The following NEBL variants were observed in gnomAD, a reference collection of about 807,000 sequenced individuals.
NEBL encodes nebulette.
A neutral mutation model predicts 140.2 loss-of-function variants in NEBL; 122 were observed. The observed-to-expected ratio is 0.87, with a 90% confidence interval of 0.75 to 1.01. The LOEUF is 1.01. Among genes scored for constraint, NEBL ranks in the 50% least tolerant of loss-of-function variants. The pLI, the probability that NEBL is intolerant of heterozygous loss-of-function variation, is 0.00. For synonymous variants in NEBL, 436 were observed against 398.9 expected, an observed-to-expected ratio of 1.09 and a Z score of -1.11; for missense variants, 1,365 against 1,231.3, an observed-to-expected ratio of 1.11 and a Z score of -1.62.
At chr10:21,176,997 T>C (rs964719691), upstream of NEBL, among the ~76,000 whole-genome samples, 1 of 152,208 alleles carries the variant, frequency 6.6e-6, no homozygotes, top group Non-Finnish European at 1.5e-5. Flanking sequence ...GGCCAAACAA[T>C]GGCTTTGACT....
intron 3 of NEBL, among the ~76,000 whole-genome samples, chr10:21,190,668 C>G (rs930865884): frequency 3.9e-5 from 6 of 152,236 alleles, no homozygotes; most frequent in Non-Finnish European, 5.9e-5. Flanking sequence ...TCTGCTTATA[C>G]CAAACATTTA....
Position 20,953,506 on chromosome 10 carries a change from A to ATT in NEBL, c.357+8164_357+8165dup, listed in dbSNP as rs146415247. 6.1e-4 allele frequency among the ~76,000 whole-genome samples: 73 copies of ATT among 119,766 alleles called. 1 individual carries two copies. Among genetic ancestry groups the ATT allele is most frequent in the African/African-American group, 1.4e-3 (45 of 31,866 alleles). The allele number at this position is 119,766 out of a possible 152,430, so 78.6% of individuals were successfully genotyped here. On this transcript the variant is annotated intron_variant, in intron 4 of 6. Coordinates refer to the NEBL transcript ENST00000417816. The stretch of plus-strand genomic sequence containing the variant: ...CCTGAGCAGACTAAGACAAGCCCTA[A>ATT]TTTTTTTTTTTTTTTTTTTTTTGTA...
chr10:21,274,990 G>A (rs1387568346), intron 1 of NEBL, among the ~76,000 whole-genome samples: 2 of 152,114 alleles, frequency 1.3e-5, no homozygotes, highest in Non-Finnish European at 2.9e-5. Flanking sequence ...GGAAGGCAGA[G>A]GAGGAAGAAA....
chr10:21,025,897 T>C (rs934195967), intron 2 of NEBL, among the ~76,000 whole-genome samples: 15 of 152,330 alleles, frequency 9.8e-5, no homozygotes, highest in African/African-American at 3.6e-4. Context: ...AGAAAATGTC[T>C]ACCATTACTT....
chr10:21,163,759 C>G (rs1043109843), intron 2 of NEBL, among the ~76,000 whole-genome samples: 1 of 152,238 alleles, frequency 6.6e-6, no homozygotes, highest in Non-Finnish European at 1.5e-5. Context: ...GGTTATTGAT[C>G]AGATGCTATT....
intron 2 of NEBL, among the ~76,000 whole-genome samples, chr10:21,051,274 T>C (rs1834768963): frequency 6.6e-6 from 1 of 152,224 alleles, no homozygotes; most frequent in African/African-American, 2.4e-5. Flanking sequence ...CATGCTTTTA[T>C]TTTCTGTATG....
chr10:21,087,729 T>C (rs1836705558), intron 2 of NEBL, among the ~76,000 whole-genome samples: 1 of 152,232 alleles, frequency 6.6e-6, no homozygotes, highest in African/African-American at 2.4e-5. Flanking sequence ...AATTACTTCA[T>C]GATTTCTCCA....
chr10:21,094,359 G>A (rs879524665), intron 2 of NEBL, among the ~76,000 whole-genome samples: 6 of 152,002 alleles, frequency 3.9e-5, no homozygotes, highest in African/African-American at 7.2e-5. Context: ...AAAATTAGCC[G>A]GGTGCAGTGG....
At chr10:21,247,205 T>TA (rs1163689746) in intron 3 of NEBL, among the ~76,000 whole-genome samples, 1 of 152,170 alleles carries the variant, frequency 6.6e-6, no homozygotes, top group Non-Finnish European at 1.5e-5. Flanking sequence ...CTTCATAAAT[T>TA]ACCCAGTCTC....
intron 4 of NEBL, among the ~76,000 whole-genome samples, chr10:20,952,395 C>A (rs193026133): frequency 3.1e-3 from 449 of 145,804 alleles, no homozygotes; most frequent in Non-Finnish European, 5.2e-3. Context: ...CGAAATTGTA[C>A]CACTGCACTC....
chr10:20,828,912 A>C (rs1840140847), intron 16 of NEBL, among the ~76,000 whole-genome samples: 1 of 152,148 alleles, frequency 6.6e-6, no homozygotes, highest in South Asian at 2.1e-4. Flanking sequence ...CAGTATTTTG[A>C]AGTTGAGATT....
intron 3 of NEBL, among the ~76,000 whole-genome samples, chr10:21,227,719 T>TCTTCTTCTTCTTC (rs1564546038): frequency 1.5e-4 from 14 of 91,248 alleles, no homozygotes; most frequent in African/African-American, 6.1e-4. Flanking sequence ...TCTTTCTTCT[T>TCTTCTTCTTCTTC]CTTCTTCTTC....
intron 3 of NEBL, among the ~76,000 whole-genome samples, chr10:21,227,926 T>C (rs1842194036): frequency 6.6e-6 from 1 of 151,940 alleles, no homozygotes; most frequent in Non-Finnish European, 1.5e-5. Flanking sequence ...ACGTTCAGAA[T>C]CTTGTGGCAA....
At chr10:21,001,587 T>C (rs1837902296) in intron 3 of NEBL, among the ~76,000 whole-genome samples, 1 of 152,026 alleles carries the variant, frequency 6.6e-6, no homozygotes, top group African/African-American at 2.4e-5. Context: ...GGTGAACTTA[T>C]TGCAGAAGCC....
chr10:20,797,585 A>C (rs1836676800), intron 26 of NEBL, among the ~76,000 whole-genome samples: 1 of 152,190 alleles, frequency 6.6e-6, no homozygotes, highest in Admixed American at 6.5e-5. Context: ...CGAGAAAGTA[A>C]ATGTGAATGA....
In NEBL at chr10:21,223,203, A is replaced by C. The variant is rs118076112; in HGVS notation, n.348+24718T>G. Among the ~76,000 whole-genome samples, 752 of 152,068 alleles carry C rather than the reference A, an allele frequency of 4.9e-3. 19 individuals are homozygous for C. The highest frequency in any genetic ancestry group is 0.035 in the East Asian group (183 of 5,174). On this transcript the variant is annotated intron_variant and non_coding_transcript_variant, in intron 3 of 8. Coordinates refer to the NEBL transcript ENST00000675702. ...AGTCCCACTTTCCCCCATCCCTGCT[A>C]CTCTTCCCAGCCTCTGGTAACCATT...
intron 2 of NEBL, among the ~76,000 whole-genome samples, chr10:21,038,540 C>T (rs1834113425): frequency 6.6e-6 from 1 of 152,204 alleles, no homozygotes; most frequent in Non-Finnish European, 1.5e-5. Context: ...AAGACATGAA[C>T]TCATTCTTTT....
In NEBL at chr10:20,961,551, C is replaced by T. The variant is rs574654908; in HGVS notation, c.357+121G>A. 8.7e-5 allele frequency: 68 copies of T among 783,776 alleles called. 1 individual carries two copies. The African/African-American group carries it at 1.1e-3, about 12-fold the overall frequency. The allele number at this position is 783,776 out of a possible 1,614,324, so 48.6% of individuals were successfully genotyped here. A position where few individuals can be genotyped will look rare whatever the true frequency, so the allele number is the denominator to read the frequency against. On this transcript the variant is annotated intron_variant, in intron 4 of 6. Transcript: ENST00000417816. ...CCAGATGAAATTGGCATAGTCTATG[C>T]GTGCACTGAGTACTGCTTGCACCCC...
chr10:20,926,497 T>C (rs1833920777), intron 4 of NEBL, among the ~76,000 whole-genome samples: 2 of 152,230 alleles, frequency 1.3e-5, no homozygotes, highest in South Asian at 4.1e-4. Context: ...TATACCTATA[T>C]GAAAATTATC....
Sources: gnomAD v4.1 joint callset for allele counts (sites outside exome capture counted in the v4.1 genomes callset) on GRCh38, gnomAD v4.1.1 for gene constraint, MANE v1.5 for transcripts, NCBI Gene and HGNC (gene_info 2026-07-23, HGNC 2026-07-21) for gene names.